The following WDPCP variants were observed in gnomAD, a reference collection of about 807,000 sequenced individuals.
WDPCP encodes WD repeat containing planar cell polarity effector.
A neutral mutation model predicts 93.1 loss-of-function variants in WDPCP; 71 were observed. The ratio of observed to expected loss-of-function variants is 0.76; its 90% confidence interval spans 0.63 to 0.93. The LOEUF is 0.93. Ranked by LOEUF, WDPCP falls within the 40% of genes least tolerant of loss-of-function variation. The pLI, the probability that WDPCP is intolerant of heterozygous loss-of-function variation, is 0.00. For missense variants in WDPCP, 844 were observed against 887.4 expected, an observed-to-expected ratio of 0.95 and a Z score of 0.62; for synonymous variants, 315 against 315.0, an observed-to-expected ratio of 1.00 and a Z score of 0.00.
intron 3 of WDPCP, among the ~76,000 whole-genome samples, chr2:63,615,097 C>T (rs1368104472): frequency 6.6e-6 from 1 of 152,164 alleles, no homozygotes; most frequent in Non-Finnish European, 1.5e-5. Context: ...CAGAACTTCC[C>T]TTCTAACAAA....
intron 13 of WDPCP, among the ~76,000 whole-genome samples, chr2:63,277,693 C>T (rs554869658): frequency 1.3e-5 from 2 of 152,152 alleles, no homozygotes; most frequent in Non-Finnish European, 2.9e-5. Context: ...GCTAGTCCAA[C>T]AGGAAAATAC....
At chr2:63,386,963 C>A (rs1692783774) in intron 10 of WDPCP, among the ~76,000 whole-genome samples, 1 of 152,012 alleles carries the variant, frequency 6.6e-6, no homozygotes, top group Non-Finnish European at 1.5e-5. Context: ...CCTGAACAGA[C>A]CAATAACAAG....
At chr2:63,124,143 G>C (rs918972156) in intron 17 of WDPCP, among the ~76,000 whole-genome samples, 1 of 148,218 alleles carries the variant, frequency 6.7e-6, no homozygotes, top group African/African-American at 2.5e-5. Flanking sequence ...GTATAGAACT[G>C]TAGAAATAGA....
At chr2:63,565,044 G>C (rs1706932300) in intron 1 of WDPCP, among the ~76,000 whole-genome samples, 1 of 152,176 alleles carries the variant, frequency 6.6e-6, no homozygotes, top group South Asian at 2.1e-4. Flanking sequence ...CAAAGGTGCT[G>C]GGATTACAGG....
intron 14 of WDPCP, among the ~76,000 whole-genome samples, chr2:63,252,997 T>C (rs1680863046): frequency 6.6e-6 from 1 of 152,060 alleles, no homozygotes; most frequent in Non-Finnish European, 1.5e-5. Context: ...GGGATCACCA[T>C]TACCCAACTT....
intron 12 of WDPCP, among the ~76,000 whole-genome samples, chr2:63,338,828 G>A (rs894644512): frequency 3.3e-5 from 5 of 151,412 alleles, no homozygotes; most frequent in African/African-American, 1.2e-4. Context: ...CTCCAGCTTT[G>A]TTCTTTTTGT....
intron 12 of WDPCP, among the ~76,000 whole-genome samples, chr2:63,356,277 G>C (rs1388632846): frequency 6.6e-6 from 1 of 152,150 alleles, no homozygotes; most frequent in African/African-American, 2.4e-5. Flanking sequence ...GATTCATATA[G>C]CAAGCTCTTA....
At chr2:63,829,318 C>A (rs1671160004), upstream of WDPCP, among the ~76,000 whole-genome samples, 1 of 152,132 alleles carries the variant, frequency 6.6e-6, no homozygotes, top group Non-Finnish European at 1.5e-5. Context: ...GATTTCATTG[C>A]CACAGCTTGA....
chr2:63,592,129 C>A (rs549009827), upstream of WDPCP, among the ~76,000 whole-genome samples: 16 of 152,204 alleles, frequency 1.1e-4, no homozygotes, highest in Non-Finnish European at 2.1e-4. Context: ...AATGGATTCC[C>A]TGGCCTAAAA....
intron 1 of WDPCP, among the ~76,000 whole-genome samples, chr2:63,504,325 T>TGTGC (rs1491570032): frequency 2.2e-3 from 20 of 8,918 alleles, no homozygotes; most frequent in Admixed American, 9.7e-3. Flanking sequence ...CGTACTAAAT[T>TGTGC]GTGTGTGTGT....
At chr2:63,830,851 C>T (rs1434733900), upstream of WDPCP, among the ~76,000 whole-genome samples, 1 of 152,122 alleles carries the variant, frequency 6.6e-6, no homozygotes, top group Non-Finnish European at 1.5e-5. Flanking sequence ...ATGCTCTTAT[C>T]CATTCTCATG....
intron 2 of WDPCP, among the ~76,000 whole-genome samples, chr2:63,755,089 T>C (rs1039257219): frequency 6.6e-6 from 1 of 152,190 alleles, no homozygotes; most frequent in Admixed American, 6.5e-5. Context: ...CATGACGTAG[T>C]AGCTGACCTC....
At chr2:63,291,778 C>T (rs578257825) in intron 13 of WDPCP, among the ~76,000 whole-genome samples, 17 of 150,144 alleles carry the variant, frequency 1.1e-4, no homozygotes, top group Admixed American at 8.0e-4. Flanking sequence ...CATTGCACTC[C>T]AGCCTGGGCA....
upstream of WDPCP, among the ~76,000 whole-genome samples, chr2:63,832,663 C>T (rs1671231320): frequency 6.6e-6 from 1 of 152,146 alleles, no homozygotes; most frequent in African/African-American, 2.4e-5. Context: ...TACACCTATA[C>T]AGTACTCTAC....
intron 2 of WDPCP, among the ~76,000 whole-genome samples, chr2:63,489,628 G>A (rs2105931116): frequency 6.6e-6 from 1 of 152,026 alleles, no homozygotes; most frequent in African/African-American, 2.4e-5. Context: ...ATTTTGACAG[G>A]GACATGTCAA....
At chr2:63,522,455 G>GACAGACACACACAC (rs578104206) in intron 1 of WDPCP, among the ~76,000 whole-genome samples, 4 of 127,216 alleles carry the variant, frequency 3.1e-5, no homozygotes, top group Non-Finnish European at 4.9e-5. Context: ...CAGACAGACA[G>GACAGACACACACAC]ACACACACAC....
chr2:63,793,870 T>TTGTG lies in WDPCP; in HGVS notation n.308+19748_308+19751dup, dbSNP rs35714297. ...TTTTGTAAAATACTTAGTACTTACA[T>TTGTG]TGTGTGTGTGTGTGTGTGTGTGTGT... is the stretch of plus-strand genomic sequence containing the variant. On this transcript the variant is annotated intron_variant and non_coding_transcript_variant, in intron 2 of 4. Transcript: ENST00000467687. Among the ~76,000 whole-genome samples, 1,232 of 145,354 alleles carry TTGTG rather than the reference T, an allele frequency of 8.5e-3. 9 individuals carry two copies. Among genetic ancestry groups the TTGTG allele is most frequent in the African/African-American group, 0.022 (882 of 39,556 alleles).
chr2:63,749,396 C>A (rs1669845489), intron 2 of WDPCP, among the ~76,000 whole-genome samples: 1 of 152,064 alleles, frequency 6.6e-6, no homozygotes, highest in Admixed American at 6.6e-5. Flanking sequence ...AGACAGTCCC[C>A]AATTTACAAT....
intron 2 of WDPCP, among the ~76,000 whole-genome samples, chr2:63,778,904 T>C (rs1670346120): frequency 6.6e-6 from 1 of 152,218 alleles, no homozygotes; most frequent in African/African-American, 2.4e-5. Flanking sequence ...AAATAAAAGA[T>C]AATATTTTAT....
Sources: allele counts gnomAD v4.1 joint callset (sites outside exome capture counted in the v4.1 genomes callset), GRCh38; gene constraint gnomAD v4.1.1; transcripts MANE v1.5; gene names NCBI Gene and HGNC (gene_info 2026-07-23, HGNC 2026-07-21).